The following ANKRD10 variants were observed in gnomAD, a reference collection of about 807,000 sequenced individuals.
ANKRD10 encodes the protein ankyrin repeat domain-containing protein 10.
A neutral mutation model predicts 27.0 loss-of-function variants in ANKRD10; 14 were observed. The ratio of observed to expected loss-of-function variants is 0.52; its 90% CI spans 0.34 to 0.81. The LOEUF is 0.81. ANKRD10 is among the 40% of genes least tolerant of loss of function. The pLI is 0.01. For synonymous variants in ANKRD10, 250 were observed against 224.5 expected, an observed-to-expected ratio of 1.11 and a Z score of -1.01; for missense variants, 493 against 544.0, an observed-to-expected ratio of 0.91 and a Z score of 0.93.
In ANKRD10 at chr13:110,879,824, G is replaced by A. The variant is rs1244856841; in HGVS notation, c.1076C>T (p.Ala359Val). 2 of 1,614,240 alleles carry A rather than the reference G, an allele frequency of 1.2e-6. No homozygotes were observed. The highest frequency in any genetic ancestry group is 1.7e-6 in the Non-Finnish European group (2 of 1,180,046). Residue 359 changes from alanine to valine, a missense_variant, in exon 6 of 6, where the codon GCC becomes GTC. Ala to Val is a moderately conservative substitution (Grantham distance 64). Transcript: ENST00000267339. ...HLNGSPSSCI[A>V]SRPSWVEDIG... ...GTCTTCCACCCAGGAAGGCCTACTG[G>A]CTATGCAGCTACTTGGACTCCCGTT...
intron 3 of ANKRD10, among the ~76,000 whole-genome samples, chr13:110,901,927 T>C (rs988445211): frequency 2.6e-5 from 4 of 151,824 alleles, no homozygotes; most frequent in Non-Finnish European, 5.9e-5. Flanking sequence ...CCTATAGTCC[T>C]GGCTACTCAA....
chr13:110,879,946 CGGCTGTCCT>C lies in ANKRD10; in HGVS notation c.945_953del (p.Gly316_Pro318del), dbSNP rs1395924227. 7 of 1,614,218 alleles carry C rather than the reference CGGCTGTCCT, an allele frequency of 4.3e-6. No individual in the cohort carries two copies. In the East Asian group the frequency reaches 1.6e-4, roughly 36 times the overall value. On this transcript the variant is annotated inframe_deletion, in exon 6 of 6. Coordinates refer to ENST00000267339, the MANE Select transcript of ANKRD10 (RefSeq NM_017664.4). ...AGAGAGAACCCTGGCTACTCGGAAA[CGGCTGTCCT>C]GGGGCTAATCCACTGCTAATTCCGT...
In ANKRD10 at chr13:110,878,714, C is replaced by T. The variant is rs2064756764; in HGVS notation, c.*923G>A. 1 of 152,554 alleles carries T rather than the reference C, an allele frequency of 6.6e-6. No individual in the cohort carries two copies. The highest frequency in any genetic ancestry group is 1.5e-5 in the Non-Finnish European group (1 of 68,024). The allele number at this position is 152,554 out of a possible 1,614,324, so 9.5% of individuals were successfully genotyped here. A position where few individuals can be genotyped will look rare whatever the true frequency, so the allele number is the denominator to read the frequency against. ...TTTGCAGAGTATAACCACTAGTTGC[C>T]TAGACAAAAGCTAATTTCTACAAAA... On this transcript the variant is annotated 3_prime_UTR_variant, in exon 6 of 6. Coordinates refer to ENST00000267339, the MANE Select transcript of ANKRD10 (RefSeq NM_017664.4).
intron 3 of ANKRD10, among the ~76,000 whole-genome samples, chr13:110,902,207 T>C (rs2065404879): frequency 6.6e-6 from 1 of 152,006 alleles, no homozygotes; most frequent in South Asian, 2.1e-4. Flanking sequence ...TGAACAAATA[T>C]AAAGAAACCA....
chr13:110,903,087 C>T (rs550731123), intron 3 of ANKRD10, among the ~76,000 whole-genome samples: 2 of 152,122 alleles, frequency 1.3e-5, no homozygotes, highest in Non-Finnish European at 2.9e-5. Flanking sequence ...TTTGTTCCAT[C>T]GTTCAAAAGA....
At position 110,893,012 on chromosome 13, in the gene ANKRD10, C is replaced by T. The variant is rs562755938; in HGVS notation, c.691+16G>A. 147 of 1,612,610 alleles carry T rather than the reference C, an allele frequency of 9.1e-5. No individual in the cohort carries two copies. The highest frequency in any genetic ancestry group is 1.1e-4 in the Non-Finnish European group (130 of 1,179,284). On this transcript the variant is annotated intron_variant, in intron 4 of 5. Transcript: ENST00000267339. ...GAAAAATAAGTGTGCTCTTCCCACC[C>T]GCAAAGCGGTCTCACCTTCAGTTCT...
intron 3 of ANKRD10, among the ~76,000 whole-genome samples, chr13:110,893,643 AAAC>A (rs1289300976): frequency 5.9e-5 from 9 of 152,344 alleles, no homozygotes; most frequent in East Asian, 3.9e-4. Context: ...AAATCATAAC[AAAC>A]AACATGTACT....
chr13:110,894,058 G>T, intron 3 of ANKRD10: 1 of 1,288,628 alleles, frequency 7.8e-7, no homozygotes, highest in Non-Finnish European at 1.1e-6. Context: ...GGAAGTGATG[G>T]CAGAGTAAGT....
intron 4 of ANKRD10, among the ~76,000 whole-genome samples, chr13:110,888,003 A>G (rs140498034): frequency 7.9e-4 from 121 of 152,222 alleles, no homozygotes; most frequent in South Asian, 2.1e-3. Flanking sequence ...ATTTTACTCA[A>G]CTTTTTAAGG....
At chr13:110,912,683 T>A (rs1453237166) in intron 1 of ANKRD10, among the ~76,000 whole-genome samples, 3 of 152,122 alleles carry the variant, frequency 2.0e-5, no homozygotes, top group Non-Finnish European at 4.4e-5. Flanking sequence ...AACAAACGAG[T>A]CTTACCAACG....
chr13:110,901,277 A>C (rs2065373590), intron 3 of ANKRD10, among the ~76,000 whole-genome samples: 1 of 152,252 alleles, frequency 6.6e-6, no homozygotes, highest in Non-Finnish European at 1.5e-5. Context: ...TCAGTTAATA[A>C]TAGGAAGAAA....
rs1432656087 is a variant in ANKRD10 at position 110,914,887 on chromosome 13, G to A, written c.48C>T (p.Ser16=). The A allele has an allele frequency of 1.3e-6, 2 of 1,541,376 alleles. No individual in the cohort carries two copies. The highest frequency in any genetic ancestry group is 8.7e-7 in the Non-Finnish European group (1 of 1,147,068). Residue 16 remains serine (S), a synonymous_variant, in exon 1 of 6, where the codon AGC becomes AGT. Transcript: ENST00000267339. The part of the protein sequence containing the change: ...AGAGVEAGFS[S]EELLSLRFPL... The stretch of plus-strand genomic sequence containing the variant: ...GGAAACGGAGCGAGAGCAGCTCCTC[G>A]CTGGAGAAGCCCGCCTCTACGCCCG...
Position 110,910,634 on chromosome 13 carries a change from G to A in ANKRD10, c.347C>T (p.Ala116Val), listed in dbSNP as rs1160488833. The change falls in exon 2 of 6, where the codon GCC (alanine) becomes GTC (valine). Residue 116 changes from alanine to valine, a missense_variant. By Grantham distance (64) the Ala-to-Val change is moderately conservative (BLOSUM62 0). Coordinates refer to ENST00000267339, the MANE Select transcript of ANKRD10 (RefSeq NM_017664.4). Reference sequence around the variant, plus strand: ...CACTCTTACCGGTTTGTTAATGTTGGCTCCTGCTTGAATCAGCCAGACCAG... The same window carrying A: ...CACTCTTACCGGTTTGTTAATGTTGACTCCTGCTTGAATCAGCCAGACCAG... Reference protein sequence around the residue: ...QCLVWLIQAGANINKPDCEGE... With the variant: ...QCLVWLIQAGVNINKPDCEGE... 2 of 1,613,776 alleles carry A rather than the reference G, an allele frequency of 1.2e-6. No homozygotes were observed. Among genetic ancestry groups the A allele is most frequent in the African/African-American group, 1.3e-5 (1 of 74,880 alleles).
At chr13:110,910,563 A>G (rs1259424918) in intron 2 of ANKRD10, 55 bp downstream of exon 2, 14 of 1,603,286 alleles carry the variant, frequency 8.7e-6, no homozygotes, top group Admixed American at 1.7e-5. Context: ...GTGTATAATT[A>G]TAACTGCAAA....
intron 1 of ANKRD10, among the ~76,000 whole-genome samples, 184 bp from the exon 2 acceptor site, chr13:110,910,954 G>A (rs2065683200): frequency 6.6e-6 from 1 of 152,032 alleles, no homozygotes; most frequent in Admixed American, 6.6e-5. Context: ...ATATTCCCTT[G>A]TCCTTATGAA....
At chr13:110,903,339 A>C (rs918124643) in intron 3 of ANKRD10, 1 of 125,044 alleles carries the variant, frequency 8.0e-6, no homozygotes, top group South Asian at 2.8e-4. Context: ...GTGCGTTTTA[A>C]TTTTTAGATG....
At chr13:110,905,727 A>G (rs1566487634) in intron 3 of ANKRD10, among the ~76,000 whole-genome samples, 1 of 152,236 alleles carries the variant, frequency 6.6e-6, no homozygotes, top group Non-Finnish European at 1.5e-5. Flanking sequence ...ACAACTAGTT[A>G]GTGGCAAAGT....
intron 4 of ANKRD10, among the ~76,000 whole-genome samples, 153 bp from the exon 5 acceptor site, chr13:110,883,946 C>T (rs1237660574): frequency 1.3e-5 from 2 of 152,182 alleles, no homozygotes; most frequent in African/African-American, 4.8e-5. Flanking sequence ...TAGCACACAA[C>T]TGAAAAACTT....
intron 3 of ANKRD10, among the ~76,000 whole-genome samples, chr13:110,904,818 ACC>A (rs2065483594): frequency 6.6e-6 from 1 of 152,232 alleles, no homozygotes; most frequent in Non-Finnish European, 1.5e-5. Context: ...TGTTTATAAT[ACC>A]AGATCACTAT....
Sources: allele counts gnomAD v4.1 joint callset (sites outside exome capture counted in the v4.1 genomes callset), GRCh38; gene constraint gnomAD v4.1.1; transcripts MANE v1.5; gene names NCBI Gene and HGNC (gene_info 2026-07-23, HGNC 2026-07-21).